The following CCDC141 variants were observed in gnomAD, a reference collection of about 807,000 sequenced individuals.
The protein encoded by CCDC141 is coiled-coil domain-containing protein 141.
A neutral mutation model predicts 181.0 loss-of-function variants in CCDC141; 168 were observed. That is an observed-to-expected ratio of 0.93 (90% CI 0.82 to 1.05). CCDC141 has a LOEUF of 1.05. CCDC141 is among the 50% of genes least tolerant of loss of function. CCDC141 has a pLI of 0.00. For missense variants in CCDC141, 1,902 were observed against 1,788.5 expected (o/e 1.06, Z -1.14); for synonymous variants, 666 against 642.3 (o/e 1.04, Z -0.56).
intron 11 of CCDC141, among the ~76,000 whole-genome samples, chr2:178,880,140 A>G (rs1686529322): frequency 6.6e-6 from 1 of 152,212 alleles, no homozygotes; most frequent in Admixed American, 6.5e-5. Context: ...GCAATTCTCA[A>G]AACATAAACT....
At chr2:178,857,171 CTT>C (rs1685424310) in intron 17 of CCDC141, among the ~76,000 whole-genome samples, 1 of 152,078 alleles carries the variant, frequency 6.6e-6, no homozygotes, top group South Asian at 2.1e-4. Context: ...ATCTCTCTAT[CTT>C]TTAATACTCT....
chr2:179,028,983 G>C lies in CCDC141; in HGVS notation c.225+18301C>G, dbSNP rs542528556. Among the ~76,000 whole-genome samples the C allele has an allele frequency of 4.6e-5, 7 of 152,260 alleles. No individual in the cohort carries two copies. In the South Asian group the frequency reaches 1.5e-3, roughly 32 times the overall value. On this transcript the variant is annotated intron_variant, in intron 2 of 23. Coordinates refer to ENST00000443758, the MANE Select transcript of CCDC141 (RefSeq NM_173648.4). ...ATCAAATCTAACTGTGTAGCCCGGT[G>C]GGTACTGCCATTCAGCCCCAGCCCC...
intron 4 of CCDC141, among the ~76,000 whole-genome samples, chr2:178,962,913 C>T (rs945185127): frequency 6.6e-6 from 1 of 152,182 alleles, no homozygotes; most frequent in African/African-American, 2.4e-5. Context: ...TCAACACCCT[C>T]CTTCGTTATC....
At chr2:178,887,187 C>T (rs1252694347) in intron 9 of CCDC141, among the ~76,000 whole-genome samples, 2 of 152,118 alleles carry the variant, frequency 1.3e-5, no homozygotes, top group Non-Finnish European at 2.9e-5. Flanking sequence ...AAGGATAATG[C>T]ACTTGCTAAC....
At chr2:179,037,490 A>T (rs929657710) in intron 2 of CCDC141, among the ~76,000 whole-genome samples, 2 of 152,238 alleles carry the variant, frequency 1.3e-5, no homozygotes, top group African/African-American at 4.8e-5. Flanking sequence ...CTAATATGTA[A>T]GTATAAATAA....
chr2:178,989,059 T>C (rs1056159498), intron 2 of CCDC141, among the ~76,000 whole-genome samples: 1 of 152,154 alleles, frequency 6.6e-6, no homozygotes, highest in Non-Finnish European at 1.5e-5. Flanking sequence ...TTAGAAGAAT[T>C]TTGTAAGTAA....
intron 8 of CCDC141, among the ~76,000 whole-genome samples, chr2:178,904,458 T>G (rs1005641878): frequency 1.3e-5 from 2 of 152,178 alleles, no homozygotes; most frequent in Admixed American, 1.3e-4. Flanking sequence ...GAACAAGGGT[T>G]TAAACAGAAA....
chr2:179,012,917 C>A (rs151207634), intron 2 of CCDC141, among the ~76,000 whole-genome samples: 3 of 152,002 alleles, frequency 2.0e-5, no homozygotes, highest in East Asian at 3.9e-4. Context: ...ATCCAGCATC[C>A]CTTTATGATT....
At chr2:178,883,233 G>A (rs1468899718) in intron 11 of CCDC141, among the ~76,000 whole-genome samples, 2 of 152,086 alleles carry the variant, frequency 1.3e-5, no homozygotes, top group East Asian at 1.9e-4. Context: ...AGATAATTCT[G>A]TCAGTTGGGA....
chr2:178,885,411 A>G (rs981824526), intron 10 of CCDC141, among the ~76,000 whole-genome samples: 2 of 152,262 alleles, frequency 1.3e-5, no homozygotes, highest in African/African-American at 4.8e-5. Flanking sequence ...AAATAATTAT[A>G]CATGAGATAG....
intron 5 of CCDC141, among the ~76,000 whole-genome samples, chr2:178,950,551 G>A (rs753196532): frequency 6.6e-6 from 1 of 152,140 alleles, no homozygotes; most frequent in Non-Finnish European, 1.5e-5. Context: ...AACAATTACT[G>A]CCAAAAATGT....
At chr2:178,904,831 G>T (rs1229734720) in intron 8 of CCDC141, among the ~76,000 whole-genome samples, 1 of 152,090 alleles carries the variant, frequency 6.6e-6, no homozygotes, top group South Asian at 2.1e-4. Context: ...AAAGCATGGG[G>T]TCTGGTGCCC....
chr2:178,975,274 G>A (rs921055521), intron 3 of CCDC141, 109 bp from the exon 4 acceptor site: 2 of 570,100 alleles, frequency 3.5e-6, no homozygotes. Context: ...AACTGAGGAT[G>A]TGTGATTATG....
At chr2:179,033,011 T>A (rs1263867198) in intron 2 of CCDC141, among the ~76,000 whole-genome samples, 1 of 147,434 alleles carries the variant, frequency 6.8e-6, no homozygotes, top group Non-Finnish European at 1.5e-5. Flanking sequence ...ATATATATAA[T>A]ATATAATATT....
chr2:178,892,135 A>G (rs1244588100), intron 8 of CCDC141, among the ~76,000 whole-genome samples: 1 of 152,192 alleles, frequency 6.6e-6, no homozygotes. Flanking sequence ...TAGAAGTTTT[A>G]GGCTATCCAA....
intron 2 of CCDC141, among the ~76,000 whole-genome samples, chr2:179,006,741 G>GT (rs760689428): frequency 1.4e-4 from 21 of 152,146 alleles, no homozygotes; most frequent in Admixed American, 5.2e-4. Context: ...TGTTTTCACT[G>GT]TTGAAGAGAA....
At chr2:178,819,151 C>T in the CCDC141 span, among the ~76,000 whole-genome samples, 2 of 152,128 alleles carry the variant, frequency 1.3e-5, no homozygotes, top group Admixed American at 6.6e-5. Flanking sequence ...TTTGGAACTA[C>T]GCATGTAGCC....
At chr2:178,883,225 A>G in intron 11 of CCDC141, among the ~76,000 whole-genome samples, 1 of 152,160 alleles carries the variant, frequency 6.6e-6, no homozygotes, top group East Asian at 1.9e-4. Flanking sequence ...CATCAACAAG[A>G]TAATTCTGTC....
chr2:178,853,791 C>T (rs1299447175), intron 19 of CCDC141, among the ~76,000 whole-genome samples, 167 bp from the exon 20 acceptor site: 2 of 152,128 alleles, frequency 1.3e-5, no homozygotes, highest in East Asian at 1.9e-4. Context: ...TCGTATTCTA[C>T]AGCACTTAAA....
Sources: gnomAD v4.1 joint callset for allele counts (sites outside exome capture counted in the v4.1 genomes callset) on GRCh38, gnomAD v4.1.1 for gene constraint, MANE v1.5 for transcripts, NCBI Gene and HGNC (gene_info 2026-07-23, HGNC 2026-07-21) for gene names.